LRRC69: variants seen among roughly 807,000 people sequenced by gnomAD.
LRRC69 encodes leucine-rich repeat-containing protein 69.
Under a neutral mutation model 37.8 loss-of-function variants are expected in LRRC69, and 42 were observed. That is an observed-to-expected ratio of 1.11 (90% CI 0.87 to 1.44). The LOEUF (loss-of-function observed/expected upper bound fraction) is 1.44, where lower values mean the gene tolerates loss of function less well. LRRC69 is among the 40% of genes most tolerant of loss of function. The probability of loss-of-function intolerance (pLI) is 0.00; values close to 1 mark genes in which losing one functional copy is unlikely to be tolerated. For synonymous variants in LRRC69, 141 were observed against 143.1 expected, an observed-to-expected ratio of 0.99 and a Z score of 0.11; for missense variants, 357 against 401.9, an observed-to-expected ratio of 0.89 and a Z score of 0.96.
chr8:91,109,973 A>G (rs1240451835), intron 1 of LRRC69, among the ~76,000 whole-genome samples: 2 of 152,046 alleles, frequency 1.3e-5, no homozygotes, highest in African/African-American at 4.8e-5. Flanking sequence ...AAAAAAAGGC[A>G]TTGATAAGAA....
At chr8:91,152,229 T>G (rs941085612) in intron 5 of LRRC69, among the ~76,000 whole-genome samples, 1 of 151,746 alleles carries the variant, frequency 6.6e-6, no homozygotes, top group Admixed American at 6.6e-5. Flanking sequence ...CTGAGTAGTA[T>G]TGCCTGCGTT....
intron 5 of LRRC69, among the ~76,000 whole-genome samples, chr8:91,148,744 G>A (rs1808670917): frequency 6.6e-6 from 1 of 152,040 alleles, no homozygotes; most frequent in East Asian, 1.9e-4. Context: ...TCCAGCACCT[G>A]TTGTTTCCTG....
chr8:91,144,115 G>T (rs1808576681), intron 5 of LRRC69, among the ~76,000 whole-genome samples: 2 of 151,936 alleles, frequency 1.3e-5, no homozygotes, highest in Non-Finnish European at 2.9e-5. Context: ...GACAGATATT[G>T]AATGTTATTT....
intron 1 of LRRC69, among the ~76,000 whole-genome samples, chr8:91,117,588 G>T (rs948176337): frequency 9.5e-6 from 1 of 105,740 alleles, no homozygotes; most frequent in African/African-American, 2.8e-5. Context: ...TTTTTTACAG[G>T]GATAACTGTA....
chr8:91,189,313 C>T (rs1174946774), intron 5 of LRRC69, among the ~76,000 whole-genome samples: 1 of 152,110 alleles, frequency 6.6e-6, no homozygotes, highest in Non-Finnish European at 1.5e-5. Flanking sequence ...CCATTCATGC[C>T]ACCATTAAAA....
chr8:91,142,553 G>A (rs528884167), intron 5 of LRRC69, among the ~76,000 whole-genome samples: 5 of 152,132 alleles, frequency 3.3e-5, no homozygotes, highest in African/African-American at 1.2e-4. Flanking sequence ...AAACTTGAAT[G>A]TGCATCAGAA....
At position 91,116,751 on chromosome 8, in the gene LRRC69, T is replaced by G. The variant is rs191333545; in HGVS notation, c.184-7742T>G. Among the ~76,000 whole-genome samples the G allele has an allele frequency of 2.8e-4, 42 of 152,120 alleles. No homozygotes were observed. In the East Asian group the frequency reaches 3.9e-3, roughly 14 times the overall value. On this transcript the variant is annotated intron_variant, in intron 1 of 7. Coordinates refer to ENST00000448384, the Ensembl canonical transcript of LRRC69. ...GATCAGGGTTATTGCGAGGTCCACA[T>G]TAGACAAAATTCAGCTTGGCACAGT...
chr8:91,184,992 G>T (rs926781614), intron 5 of LRRC69, among the ~76,000 whole-genome samples: 1 of 152,166 alleles, frequency 6.6e-6, no homozygotes, highest in African/African-American at 2.4e-5. Context: ...GGTTGTAAGA[G>T]GGGGAGTGAA....
chr8:91,110,867 A>C (rs990158363), intron 1 of LRRC69, among the ~76,000 whole-genome samples: 1 of 152,062 alleles, frequency 6.6e-6, no homozygotes, highest in South Asian at 2.1e-4. Flanking sequence ...AGAATAAAGA[A>C]AGCATGCAGC....
chr8:91,215,179 A>G (rs570807644), intron 7 of LRRC69, among the ~76,000 whole-genome samples: 1 of 152,116 alleles, frequency 6.6e-6, no homozygotes, highest in Admixed American at 6.6e-5. Flanking sequence ...GTGAGGTGAC[A>G]TGCATATTCA....
At position 91,185,858 on chromosome 8, in the gene LRRC69, G is replaced by C. The variant is rs909157407; in HGVS notation, c.652-3664G>C. Among the ~76,000 whole-genome samples the C allele has an allele frequency of 2.6e-5, 4 of 152,022 alleles. No homozygotes were observed. In the South Asian group the frequency reaches 8.3e-4, roughly 31 times the overall value. Reference sequence around the variant, plus strand: ...TGAGATGCTTTGAAGAATGCACAGGGATTTGTCATACCCTACTTATTGGTT... The same window carrying C: ...TGAGATGCTTTGAAGAATGCACAGGCATTTGTCATACCCTACTTATTGGTT... On this transcript the variant is annotated intron_variant, in intron 5 of 7. Coordinates refer to ENST00000448384, the Ensembl canonical transcript of LRRC69.
intron 5 of LRRC69, among the ~76,000 whole-genome samples, chr8:91,164,613 A>G (rs1289752507): frequency 6.6e-6 from 1 of 151,678 alleles, no homozygotes; most frequent in Non-Finnish European, 1.5e-5. Context: ...GGTTAATAAT[A>G]TTTTTTGAAA....
chr8:91,143,681 C>T (rs114312147), intron 5 of LRRC69, among the ~76,000 whole-genome samples: 1,521 of 151,954 alleles, frequency 0.01, 36 homozygotes, highest in African/African-American at 0.035. Context: ...GCACCTATTC[C>T]GTTTCATCAA....
intron 1 of LRRC69, among the ~76,000 whole-genome samples, chr8:91,114,904 A>G (rs1413052963): frequency 6.6e-6 from 1 of 152,022 alleles, no homozygotes; most frequent in Non-Finnish European, 1.5e-5. Flanking sequence ...AGCAACATGG[A>G]TGAGCCTGGC....
rs545814080 is a variant in LRRC69 at position 91,107,794 on chromosome 8, A to G, written c.183+4950A>G. Among the ~76,000 whole-genome samples, 32 of 152,196 alleles carry G rather than the reference A, an allele frequency of 2.1e-4. No individual in the cohort carries two copies. In the Middle Eastern group the frequency reaches 0.01, roughly 49 times the overall value. ...AATGAACAAAATGGGTTAATGTCCT[A>G]TAATTTATGGTGAATGCATTTGGAC... On this transcript the variant is annotated intron_variant, in intron 1 of 7. Coordinates refer to ENST00000448384, the Ensembl canonical transcript of LRRC69.
At chr8:91,149,406 A>C (rs924044395) in intron 5 of LRRC69, among the ~76,000 whole-genome samples, 1 of 151,692 alleles carries the variant, frequency 6.6e-6, no homozygotes, top group Non-Finnish European at 1.5e-5. Context: ...CATATGCGGC[A>C]TTATTTCTGA....
rs145470439 is a variant in LRRC69, at chr8:91,105,464, G to T, written c.183+2620G>T. On this transcript the variant is annotated intron_variant, in intron 1 of 7. Coordinates refer to ENST00000448384, the Ensembl canonical transcript of LRRC69. Reference sequence around the variant, plus strand: ...TATGGGAGGCCAAGGTGGGCAGATTGATTGGGCTCAGTAGTTTGAAACTGG... The same window carrying T: ...TATGGGAGGCCAAGGTGGGCAGATTTATTGGGCTCAGTAGTTTGAAACTGG... Among the ~76,000 whole-genome samples, 173 of 151,912 alleles carry T rather than the reference G, an allele frequency of 1.1e-3. 6 individuals carry two copies. In the East Asian group the frequency reaches 0.031, roughly 27 times the overall value.
intron 5 of LRRC69, among the ~76,000 whole-genome samples, chr8:91,181,836 C>T (rs1050397421): frequency 2.0e-5 from 3 of 152,070 alleles, no homozygotes; most frequent in Non-Finnish European, 4.4e-5. Context: ...AAGTAAAGTT[C>T]AAGGGATGTA....
At chr8:91,135,437 A>G (rs921883787) in intron 4 of LRRC69, among the ~76,000 whole-genome samples, 1 of 152,060 alleles carries the variant, frequency 6.6e-6, no homozygotes, top group Non-Finnish European at 1.5e-5. Flanking sequence ...TGTAACTCAC[A>G]GTGGCCATGT....
Sources: gnomAD v4.1 joint callset for allele counts (sites outside exome capture counted in the v4.1 genomes callset) on GRCh38, gnomAD v4.1.1 for gene constraint, MANE v1.5 for transcripts, NCBI Gene and HGNC (gene_info 2026-07-23, HGNC 2026-07-21) for gene names.